RIT2: variants seen among roughly 807,000 people sequenced by gnomAD.
RIT2 encodes Ras like without CAAX 2.
RIT2 carries 24 observed loss-of-function variants against 23.7 expected under a neutral mutation model. The observed-to-expected ratio is 1.01, with a 90% CI of 0.73 to 1.43. The LOEUF (loss-of-function observed/expected upper bound fraction) is 1.43. Ranked by LOEUF, RIT2 falls within the 40% of genes most tolerant of loss-of-function variation. The pLI is 0.00. For synonymous variants in RIT2, 107 were observed against 91.1 expected, an observed-to-expected ratio of 1.17 and a Z score of -0.99; for missense variants, 236 against 266.9, an observed-to-expected ratio of 0.88 and a Z score of 0.81.
chr18:43,033,668 G>A (rs1201846367), intron 2 of RIT2, 143 bp downstream of exon 2: 16 of 628,336 alleles, frequency 2.5e-5, no homozygotes, highest in South Asian at 2.0e-4. Context: ...GTTGTGGTAC[G>A]TTACATATGA....
intron 2 of RIT2, among the ~76,000 whole-genome samples, chr18:42,986,247 G>A (rs1387273341): frequency 2.6e-5 from 4 of 151,898 alleles, no homozygotes; most frequent in Admixed American, 2.6e-4. Context: ...CACCATGTTA[G>A]CCTGGCTGGT....
intron 2 of RIT2, among the ~76,000 whole-genome samples, chr18:43,012,660 T>C (rs1237846530): frequency 6.6e-6 from 1 of 151,596 alleles, no homozygotes; most frequent in Non-Finnish European, 1.5e-5. Context: ...TGTTATTTTA[T>C]TTATAAATAA....
At position 42,973,966 on chromosome 18, in the gene RIT2, G is replaced by C. The variant is rs904871310; in HGVS notation, c.234+108C>G. The C allele has an allele frequency of 2.0e-5, 13 of 651,036 alleles. No individual in the cohort carries two copies. The African/African-American group carries it at 2.1e-4, about 11-fold the overall frequency. 40.3% of individuals were successfully genotyped at this position (651,036 alleles called of 1,614,324 possible). A position where few individuals can be genotyped will look rare whatever the true frequency, so the allele number is the denominator to read the frequency against. On this transcript the variant is annotated intron_variant, in intron 3 of 4. Transcript: ENST00000326695. ...AATTCCTGATTGTTATCACAAATTT[G>C]TTCTTCTTCTGCTTGAATAAAGTCA...
intron 1 of RIT2, among the ~76,000 whole-genome samples, chr18:43,105,450 AAGGAAGGG>A (rs1258433819): frequency 1.6e-3 from 108 of 67,560 alleles, no homozygotes; most frequent in African/African-American, 5.6e-3. Flanking sequence ...GGAACAAAAA[AAGGAAGGG>A]AGGAAGGGAG....
chr18:42,918,726 T>C (rs570140843), intron 4 of RIT2, among the ~76,000 whole-genome samples: 1 of 152,290 alleles, frequency 6.6e-6, no homozygotes, highest in Admixed American at 6.5e-5. Flanking sequence ...GGACGCTTGA[T>C]ATGTGTGTAC....
At position 42,952,327 on chromosome 18, in the gene RIT2, A is replaced by G. The variant is rs552914796; in HGVS notation, c.234+21747T>C. Among the ~76,000 whole-genome samples the G allele has an allele frequency of 1.8e-4, 28 of 152,298 alleles. No homozygotes were observed. In the Middle Eastern group the frequency reaches 0.014, roughly 74 times the overall value. On this transcript the variant is annotated intron_variant, in intron 3 of 4. Coordinates refer to ENST00000326695, the MANE Select transcript of RIT2 (RefSeq NM_002930.4). ...ACCACTTATGTGAGGAATCTGAAAT[A>G]GTCAAACTTTATAGAAGCAGAGGGT...
chr18:42,829,503 G>A (rs550171836), intron 4 of RIT2, among the ~76,000 whole-genome samples: 10 of 152,222 alleles, frequency 6.6e-5, no homozygotes, highest in East Asian at 5.8e-4. Context: ...GCAAGGAGAC[G>A]TTCTGAGGGA....
chr18:42,917,945 C>T (rs1908954912), intron 4 of RIT2, among the ~76,000 whole-genome samples: 1 of 152,164 alleles, frequency 6.6e-6, no homozygotes. Context: ...CCTTCCCTTG[C>T]TTCATTTTTC....
chr18:42,770,069 G>A (rs936402229), intron 4 of RIT2, among the ~76,000 whole-genome samples: 5 of 151,800 alleles, frequency 3.3e-5, no homozygotes, highest in African/African-American at 1.2e-4. Flanking sequence ...TGCAGTTTAT[G>A]GCTGTCCACC....
intron 2 of RIT2, among the ~76,000 whole-genome samples, chr18:42,988,314 A>T (rs1910760845): frequency 6.6e-6 from 1 of 152,214 alleles, no homozygotes; most frequent in African/African-American, 2.4e-5. Flanking sequence ...TTACGGTAAC[A>T]CTATATTTGC....
chr18:42,794,726 C>T (rs565919705), intron 4 of RIT2, among the ~76,000 whole-genome samples: 92 of 152,050 alleles, frequency 6.1e-4, no homozygotes, highest in Non-Finnish European at 9.7e-4. Context: ...GTATGGTGCA[C>T]GTTTATTATA....
intron 1 of RIT2, among the ~76,000 whole-genome samples, chr18:43,092,542 G>A (rs971944566): frequency 2.0e-5 from 3 of 151,974 alleles, no homozygotes; most frequent in Admixed American, 6.6e-5. Flanking sequence ...CTTAAATACA[G>A]TCTCAAGATT....
chr18:42,923,284 G>C (rs1282991260), intron 4 of RIT2: 1 of 268,222 alleles, frequency 3.7e-6, no homozygotes, highest in East Asian at 7.3e-5. Flanking sequence ...GAAATCTTAA[G>C]GCTACACTTC....
intron 4 of RIT2, among the ~76,000 whole-genome samples, chr18:42,914,279 A>G (rs1908845839): frequency 6.6e-6 from 1 of 152,124 alleles, no homozygotes; most frequent in South Asian, 2.1e-4. Context: ...AGATCTAGCA[A>G]TTTTGCTCTT....
intron 4 of RIT2, among the ~76,000 whole-genome samples, chr18:42,876,756 C>A (rs1460411640): frequency 1.3e-5 from 2 of 151,434 alleles, no homozygotes; most frequent in Non-Finnish European, 3.0e-5. Flanking sequence ...CTAAGAAATA[C>A]ATTGTTAAAT....
chr18:42,874,211 T>C (rs963886683), intron 4 of RIT2, among the ~76,000 whole-genome samples: 1 of 152,194 alleles, frequency 6.6e-6, no homozygotes, highest in Non-Finnish European at 1.5e-5. Flanking sequence ...TTATACATTT[T>C]AATTCCTTTT....
intron 2 of RIT2, among the ~76,000 whole-genome samples, chr18:43,030,011 G>T (rs149180360): frequency 1.3e-5 from 2 of 152,036 alleles, no homozygotes; most frequent in East Asian, 1.9e-4. Flanking sequence ...AAATGTATTT[G>T]CTTACTAATT....
intron 4 of RIT2, among the ~76,000 whole-genome samples, chr18:42,753,009 A>T (rs1913082406): frequency 6.6e-6 from 1 of 152,312 alleles, no homozygotes; most frequent in African/African-American, 2.4e-5. Flanking sequence ...ACCGAAGAAG[A>T]TCACCGTGTA....
At chr18:42,957,581 C>T (rs780766929) in intron 3 of RIT2, among the ~76,000 whole-genome samples, 9 of 152,034 alleles carry the variant, frequency 5.9e-5, no homozygotes, top group Non-Finnish European at 1.3e-4. Context: ...GTCAGGAGTT[C>T]AAGACCAGCC....
Sources: allele counts gnomAD v4.1 joint callset (sites outside exome capture counted in the v4.1 genomes callset), GRCh38; gene constraint gnomAD v4.1.1; transcripts MANE v1.5; gene names NCBI Gene and HGNC (gene_info 2026-07-23, HGNC 2026-07-21).